PHKA1: variants seen among roughly 807,000 people sequenced by gnomAD.
The protein encoded by PHKA1 is phosphorylase kinase regulatory subunit alpha 1.
PHKA1 carries 60 observed loss-of-function variants against 110.2 expected under a neutral mutation model. The ratio of observed to expected loss-of-function variants is 0.54; its 90% CI spans 0.44 to 0.68. The LOEUF (loss-of-function observed/expected upper bound fraction) is 0.68. PHKA1 is among the 30% of genes least tolerant of loss of function. PHKA1 has a pLI of 0.00. For missense variants in PHKA1, 801 were observed against 942.5 expected (o/e 0.85, Z 1.97); for synonymous variants, 316 against 333.6 (o/e 0.95, Z 0.58).
intron 14 of PHKA1, among the ~76,000 whole-genome samples, chrX:72,642,561 G>C (rs1268837609): frequency 9.0e-6 from 1 of 110,897 alleles, no homozygotes; most frequent in Non-Finnish European, 1.9e-5. Flanking sequence ...CTGGAGACTA[G>C]AAGTGCATTA....
chrX:72,655,775 A>C (rs2053487873), intron 10 of PHKA1, among the ~76,000 whole-genome samples: 1 of 111,425 alleles, frequency 9.0e-6, no homozygotes, highest in African/African-American at 3.3e-5. Context: ...GGCGCCTGCC[A>C]CCACGCCCAG....
At chrX:72,682,518 T>G (rs1166723491) in intron 5 of PHKA1, among the ~76,000 whole-genome samples, 1 of 108,654 alleles carries the variant, frequency 9.2e-6, no homozygotes, top group Non-Finnish European at 1.9e-5. Flanking sequence ...AGAAATCGGA[T>G]GGTTGCCGTG....
intron 4 of PHKA1, among the ~76,000 whole-genome samples, chrX:72,687,478 A>T (rs963287051): frequency 9.0e-6 from 1 of 111,645 alleles, no homozygotes; most frequent in African/African-American, 3.3e-5. Context: ...CAAATGCCAC[A>T]TATTTCTACC....
In PHKA1 at chrX:72,674,493, G is replaced by A. The variant is rs782771344; in HGVS notation, c.618+1577C>T. Among the ~76,000 whole-genome samples, 347 of 111,299 alleles carry A rather than the reference G, an allele frequency of 3.1e-3. 1 individual carries two copies. The highest frequency in any genetic ancestry group is 0.011 in the African/African-American group (329 of 30,603). On this transcript the variant is annotated intron_variant, in intron 6 of 31. Coordinates refer to ENST00000373542, the MANE Select transcript of PHKA1 (RefSeq NM_002637.4). ...GTTGTTTCCTGACTTTTTAATGATC[G>A]CCATTCTAACTGGTGTGAGATGGTA...
chrX:72,713,708 ACG>A, intron 1 of PHKA1, 93 bp downstream of exon 1: 1 of 651,020 alleles, frequency 1.5e-6, no homozygotes, highest in Non-Finnish European at 2.5e-6. Context: ...ACACCCACAC[ACG>A]CACGCACGCA....
intron 29 of PHKA1, among the ~76,000 whole-genome samples, chrX:72,588,676 G>A (rs1158700331): frequency 9.0e-6 from 1 of 111,218 alleles, no homozygotes; most frequent in Non-Finnish European, 1.9e-5. Context: ...TTGATAGACT[G>A]CTAGCTACAC....
At chrX:72,634,195 C>T (rs2053200939) in intron 16 of PHKA1, among the ~76,000 whole-genome samples, 1 of 111,940 alleles carries the variant, frequency 8.9e-6, no homozygotes, top group Admixed American at 9.5e-5. Context: ...AGACTTTATA[C>T]TTTCTGAAGA....
At chrX:72,636,571 T>C (rs1376040077) in intron 14 of PHKA1, among the ~76,000 whole-genome samples, 185 bp from the exon 15 acceptor site, 1 of 112,135 alleles carries the variant, frequency 8.9e-6, no homozygotes, top group African/African-American at 3.2e-5. Flanking sequence ...CATTCTGAAA[T>C]TGGAATCCAA....
intron 14 of PHKA1, among the ~76,000 whole-genome samples, chrX:72,641,209 G>A (rs1274927742): frequency 2.7e-5 from 3 of 111,587 alleles, no homozygotes; most frequent in African/African-American, 6.5e-5. Flanking sequence ...GAATTAGTTC[G>A]TCTTTGTAAA....
intron 10 of PHKA1, among the ~76,000 whole-genome samples, chrX:72,653,889 T>C (rs1339124315): frequency 9.0e-6 from 1 of 111,444 alleles, no homozygotes. Context: ...TTCCACTATG[T>C]ATATCTTAAG....
intron 12 of PHKA1, among the ~76,000 whole-genome samples, chrX:72,651,272 C>G (rs916076166): frequency 1.8e-5 from 2 of 111,652 alleles, no homozygotes; most frequent in Admixed American, 1.9e-4. Context: ...CGCAGTGGCT[C>G]ACGCCTGTAA....
intron 25 of PHKA1, among the ~76,000 whole-genome samples, 196 bp downstream of exon 25, chrX:72,605,075 C>A (rs1327710285): frequency 8.9e-6 from 1 of 111,907 alleles, no homozygotes; most frequent in Non-Finnish European, 1.9e-5. Context: ...TCTGAAGCTG[C>A]GAACTGATAC....
chrX:72,714,027 C>T lies in PHKA1; in HGVS notation c.-147G>A. On this transcript the variant is annotated 5_prime_UTR_variant, in exon 1 of 32. Coordinates refer to ENST00000373542, the MANE Select transcript of PHKA1 (RefSeq NM_002637.4). ...CCGCAGAGCCCTCCCACCGCTCAGG[C>T]CTGGCGCCGCGGATTCCGCGTACCT... The T allele has an allele frequency of 1.9e-6, 1 of 525,693 alleles. No homozygotes were observed. Among genetic ancestry groups the T allele is most frequent in the Non-Finnish European group, 3.3e-6 (1 of 305,930 alleles). The allele number at this position is 525,693 out of a possible 1,213,427, so 43.3% of individuals were successfully genotyped here.
chrX:72,635,380 G>A, intron 15 of PHKA1, 81 bp from the exon 16 acceptor site: 1 of 928,059 alleles, frequency 1.1e-6, no homozygotes, highest in Non-Finnish European at 1.5e-6. Flanking sequence ...CATATATTCA[G>A]AAGAGTATCC....
At chrX:72,635,528 T>C (rs2053220236) in intron 15 of PHKA1, among the ~76,000 whole-genome samples, 1 of 111,720 alleles carries the variant, frequency 9.0e-6, no homozygotes, top group Non-Finnish European at 1.9e-5. Context: ...AAGTATATAA[T>C]TTTATTTAAT....
At chrX:72,653,835 T>C (rs1239910153) in intron 10 of PHKA1, among the ~76,000 whole-genome samples, 19 of 111,264 alleles carry the variant, frequency 1.7e-4, no homozygotes, top group Non-Finnish European at 3.4e-4. Flanking sequence ...CACAGTTGAG[T>C]CCAGGGTGTA....
At chrX:72,670,585 T>A (rs2053680194) in intron 6 of PHKA1, among the ~76,000 whole-genome samples, 1 of 111,933 alleles carries the variant, frequency 8.9e-6, no homozygotes, top group Admixed American at 9.5e-5. Context: ...ACTCATTTTA[T>A]GAGGCCAGAA....
intron 25 of PHKA1, among the ~76,000 whole-genome samples, chrX:72,604,274 G>A (rs1429553984): frequency 9.0e-6 from 1 of 111,183 alleles, no homozygotes; most frequent in Non-Finnish European, 1.9e-5. Flanking sequence ...TGTTGCTTCG[G>A]GGAAGTTAGT....
At chrX:72,636,618 T>A in intron 14 of PHKA1, among the ~76,000 whole-genome samples, 1 of 112,186 alleles carries the variant, frequency 8.9e-6, no homozygotes, top group South Asian at 3.7e-4. Flanking sequence ...TAGTTGAATT[T>A]CTTTTCGTCT....
Sources: gnomAD v4.1 joint callset for allele counts (sites outside exome capture counted in the v4.1 genomes callset) on GRCh38, gnomAD v4.1.1 for gene constraint, MANE v1.5 for transcripts, NCBI Gene and HGNC (gene_info 2026-07-23, HGNC 2026-07-21) for gene names.